Variants in GPC6 observed in about 807,000 individuals in gnomAD.
GPC6 encodes the protein glypican-6.
A neutral mutation model predicts 55.2 loss-of-function variants in GPC6; 14 were observed. The observed-to-expected ratio is 0.25, with a 90% CI of 0.17 to 0.40. The LOEUF (loss-of-function observed/expected upper bound fraction) is 0.40, where lower values mean the gene tolerates loss of function less well. Ranked by LOEUF, GPC6 falls within the 10% of genes least tolerant of loss-of-function variation. The pLI is 1.00. For missense variants in GPC6, 641 were observed against 708.5 expected (o/e 0.90, Z 1.08); for synonymous variants, 278 against 259.6 (o/e 1.07, Z -0.68).
intron 4 of GPC6, among the ~76,000 whole-genome samples, chr13:94,258,236 G>T (rs981991982): frequency 6.6e-6 from 1 of 152,172 alleles, no homozygotes; most frequent in Non-Finnish European, 1.5e-5. Flanking sequence ...GCCCCGCAGA[G>T]GATTGACTGC....
intron 2 of GPC6, among the ~76,000 whole-genome samples, chr13:93,763,983 T>C (rs1433278755): frequency 1.3e-5 from 2 of 152,170 alleles, no homozygotes; most frequent in African/African-American, 4.8e-5. Context: ...TGTTGTCCTT[T>C]CAAACCTTTG....
chr13:93,634,170 T>A (rs1486527078), intron 2 of GPC6, among the ~76,000 whole-genome samples: 1 of 152,188 alleles, frequency 6.6e-6, no homozygotes, highest in African/African-American at 2.4e-5. Flanking sequence ...AATGTGCACT[T>A]TATGTTTTCA....
chr13:94,079,564 A>T (rs906599570), intron 4 of GPC6, among the ~76,000 whole-genome samples: 4 of 152,152 alleles, frequency 2.6e-5, no homozygotes, highest in Non-Finnish European at 5.9e-5. Flanking sequence ...GCTTAATGCA[A>T]AAATGTTTCT....
chr13:93,963,190 A>C (rs1879866452), intron 3 of GPC6, among the ~76,000 whole-genome samples: 1 of 152,170 alleles, frequency 6.6e-6, no homozygotes, highest in Non-Finnish European at 1.5e-5. Context: ...ATTATTAAGT[A>C]AACAAAATCA....
intron 6 of GPC6, among the ~76,000 whole-genome samples, chr13:94,319,435 A>C (rs1229371643): frequency 6.6e-6 from 1 of 152,182 alleles, no homozygotes; most frequent in Non-Finnish European, 1.5e-5. Flanking sequence ...TGTGTGTTTT[A>C]CACAAAACAA....
chr13:93,443,762 G>A (rs117264532), intron 1 of GPC6, among the ~76,000 whole-genome samples: 4,012 of 152,256 alleles, frequency 0.026, 75 homozygotes, highest in Admixed American at 0.039. Flanking sequence ...TAGAAATCTA[G>A]GACTGAAGAT....
chr13:94,157,067 G>A (rs1244603104), intron 4 of GPC6, among the ~76,000 whole-genome samples: 3 of 152,158 alleles, frequency 2.0e-5, no homozygotes, highest in African/African-American at 7.2e-5. Context: ...AGGCTGATGA[G>A]TGTAGTGGTT....
intron 6 of GPC6, among the ~76,000 whole-genome samples, chr13:94,321,923 C>T (rs1263585202): frequency 1.3e-5 from 2 of 152,164 alleles, no homozygotes; most frequent in South Asian, 2.1e-4. Context: ...CACCTATATC[C>T]GTAAACACTG....
At position 93,364,696 on chromosome 13, in the gene GPC6, T is replaced by C. The variant is rs201532443; in HGVS notation, c.160+137080T>C. Among the ~76,000 whole-genome samples the C allele has an allele frequency of 2.4e-3, 349 of 145,846 alleles. 4 individuals carry two copies. The highest frequency in any genetic ancestry group is 0.018 in the Middle Eastern group (5 of 280). ...ATATGTGTGTGTGTGTATATATATA[T>C]ACACACACACATATATATACACACA... is the stretch of plus-strand genomic sequence containing the variant. On this transcript the variant is annotated intron_variant, in intron 1 of 8. Coordinates refer to ENST00000377047, the MANE Select transcript of GPC6 (RefSeq NM_005708.5).
In GPC6 at chr13:93,953,984, A is replaced by G. The variant is rs116515293; in HGVS notation, c.712-73745A>G. Among the ~76,000 whole-genome samples the G allele has an allele frequency of 3.6e-3, 548 of 152,262 alleles. 5 individuals are homozygous for G. Among genetic ancestry groups the G allele is most frequent in the African/African-American group, 0.013 (532 of 41,548 alleles). On this transcript the variant is annotated intron_variant, in intron 3 of 8. Transcript: ENST00000377047. ...TCTGGTGCCTTTATCATGTTGAGCA[A>G]CCATCACTATTGTCTAATTCCAGAA...
At chr13:93,709,400 C>A (rs181460394) in intron 2 of GPC6, among the ~76,000 whole-genome samples, 356 of 151,722 alleles carry the variant, frequency 2.3e-3, no homozygotes, top group African/African-American at 8.3e-3. Context: ...TGGTAATAAC[C>A]TTACATATTT....
intron 3 of GPC6, among the ~76,000 whole-genome samples, chr13:93,842,895 A>T (rs1283227841): frequency 6.6e-6 from 1 of 152,162 alleles, no homozygotes; most frequent in African/African-American, 2.4e-5. Flanking sequence ...GAAGCAGAAA[A>T]GTACAAAGAA....
At chr13:93,959,863 C>T (rs1207420935) in intron 3 of GPC6, among the ~76,000 whole-genome samples, 1 of 152,170 alleles carries the variant, frequency 6.6e-6, no homozygotes, top group Non-Finnish European at 1.5e-5. Flanking sequence ...AAGTAAACTG[C>T]TCAAGATCAC....
rs183392216 is a variant in GPC6 at position 93,488,137 on chromosome 13, A to G, written c.161-57126A>G. Among the ~76,000 whole-genome samples the G allele has an allele frequency of 2.7e-3, 403 of 152,018 alleles. 2 individuals carry two copies. Among genetic ancestry groups the G allele is most frequent in the African/African-American group, 9.0e-3 (373 of 41,460 alleles). Reference sequence around the variant, plus strand: ...CTCCCCCCTCCTTTCACCCCACAACAGGCCCCGGTGTGTGATGTTCCCCTT... The same window carrying G: ...CTCCCCCCTCCTTTCACCCCACAACGGGCCCCGGTGTGTGATGTTCCCCTT... On this transcript the variant is annotated intron_variant, in intron 1 of 8. Transcript: ENST00000377047.
At chr13:94,350,555 A>G (rs943616057) in intron 6 of GPC6, among the ~76,000 whole-genome samples, 10 of 152,232 alleles carry the variant, frequency 6.6e-5, no homozygotes, top group African/African-American at 2.4e-4. Flanking sequence ...ATGAGAAAAC[A>G]GAATTCTCTT....
At chr13:93,587,857 G>T (rs147721011) in intron 2 of GPC6, among the ~76,000 whole-genome samples, 1 of 152,098 alleles carries the variant, frequency 6.6e-6, no homozygotes, top group African/African-American at 2.4e-5. Flanking sequence ...CACATAATGC[G>T]TTTCGAAATT....
chr13:93,915,832 C>G (rs991214755), intron 3 of GPC6, among the ~76,000 whole-genome samples: 1 of 152,188 alleles, frequency 6.6e-6, no homozygotes, highest in African/African-American at 2.4e-5. Flanking sequence ...CCATGCCTCT[C>G]TCCTTTTCTG....
chr13:93,732,614 A>C (rs1007518906), intron 2 of GPC6, among the ~76,000 whole-genome samples: 1 of 152,164 alleles, frequency 6.6e-6, no homozygotes, highest in African/African-American at 2.4e-5. Flanking sequence ...GGAAAACTAT[A>C]ACTTATTAAA....
chr13:94,278,000 G>A (rs1892263850), intron 4 of GPC6, among the ~76,000 whole-genome samples: 1 of 152,152 alleles, frequency 6.6e-6, no homozygotes, highest in Non-Finnish European at 1.5e-5. Context: ...GATGGGAATA[G>A]CAGTGAATCT....
Sources: allele counts gnomAD v4.1 joint callset (sites outside exome capture counted in the v4.1 genomes callset), GRCh38; gene constraint gnomAD v4.1.1; transcripts MANE v1.5; gene names NCBI Gene and HGNC (gene_info 2026-07-23, HGNC 2026-07-21).